Variants in C7orf78 observed in about 807,000 individuals in gnomAD.
The protein encoded by C7orf78 is putative uncharacterized protein C7orf78.
At chr7:12,507,031 C>T in the C7orf78 span, 16 of 427,016 alleles carry the variant, frequency 3.7e-5, no homozygotes, top group South Asian at 1.0e-4. Flanking sequence ...GGGCCGGGCG[C>T]GGTGTCACCC....
chr7:12,515,225 T>C, the C7orf78 span, among the ~76,000 whole-genome samples: 1 of 152,306 alleles, frequency 6.6e-6, no homozygotes, highest in South Asian at 2.1e-4. Flanking sequence ...GGGAGATAAT[T>C]TGAATCACAG....
chr7:12,499,785 C>T, the C7orf78 span, among the ~76,000 whole-genome samples: 2 of 150,746 alleles, frequency 1.3e-5, no homozygotes, highest in Non-Finnish European at 3.0e-5. Flanking sequence ...ACATTTTCTT[C>T]AGCACCACAC....
At chr7:12,518,952 A>G in the C7orf78 span, among the ~76,000 whole-genome samples, 1 of 152,124 alleles carries the variant, frequency 6.6e-6, no homozygotes, top group African/African-American at 2.4e-5. Flanking sequence ...GAGGAGCCTG[A>G]TTTGAGGATG....
At chr7:12,533,796 G>A in the C7orf78 span, among the ~76,000 whole-genome samples, 5 of 152,154 alleles carry the variant, frequency 3.3e-5, no homozygotes, top group Non-Finnish European at 7.4e-5. Flanking sequence ...GATTACAGGC[G>A]TGAGCCACCA....
At chr7:12,509,343 T>C in the C7orf78 span, among the ~76,000 whole-genome samples, 1 of 152,190 alleles carries the variant, frequency 6.6e-6, no homozygotes, top group African/African-American at 2.4e-5. Context: ...AGGTTTTTGC[T>C]TTGGAAAGAT....
At chr7:12,499,076 T>G in the C7orf78 span, among the ~76,000 whole-genome samples, 1 of 151,984 alleles carries the variant, frequency 6.6e-6, no homozygotes, top group African/African-American at 2.4e-5. Flanking sequence ...AAAGAGCTCC[T>G]GAAGGAAGCG....
the C7orf78 span, among the ~76,000 whole-genome samples, chr7:12,489,199 A>G: frequency 1.3e-5 from 2 of 152,116 alleles, no homozygotes; most frequent in Non-Finnish European, 2.9e-5. Context: ...CCCAATAGTC[A>G]GTATACATTT....
chr7:12,519,159 A>C, the C7orf78 span, among the ~76,000 whole-genome samples: 1 of 152,106 alleles, frequency 6.6e-6, no homozygotes, highest in Non-Finnish European at 1.5e-5. Context: ...GTCACCACCC[A>C]CAACCCAAAC....
the C7orf78 span, among the ~76,000 whole-genome samples, chr7:12,535,671 C>A: frequency 6.6e-6 from 1 of 152,190 alleles, no homozygotes; most frequent in Admixed American, 6.5e-5. Flanking sequence ...TGAAACAAAG[C>A]AAGTCCCTTC....
the C7orf78 span, among the ~76,000 whole-genome samples, chr7:12,488,598 T>C: frequency 1.1e-4 from 17 of 152,004 alleles, no homozygotes; most frequent in Non-Finnish European, 2.2e-4. Flanking sequence ...CAGAATCATT[T>C]AGCCAACAGC....
chr7:12,524,155 C>A, the C7orf78 span, among the ~76,000 whole-genome samples: 1 of 152,114 alleles, frequency 6.6e-6, no homozygotes, highest in East Asian at 1.9e-4. Context: ...CAGAGTATCC[C>A]TGTTCTTTTA....
chr7:12,525,854 A>G, the C7orf78 span: 1 of 397,098 alleles, frequency 2.5e-6, no homozygotes, highest in African/African-American at 2.1e-5. Flanking sequence ...GAGACAACTT[A>G]TGAAAAGGAC....
chr7:12,516,692 G>T, the C7orf78 span, among the ~76,000 whole-genome samples: 2 of 152,204 alleles, frequency 1.3e-5, no homozygotes, highest in African/African-American at 2.4e-5. Flanking sequence ...CCCACCTCTT[G>T]CATCAGCATG....
At chr7:12,497,468 G>A in the C7orf78 span, among the ~76,000 whole-genome samples, 23 of 57,334 alleles carry the variant, frequency 4.0e-4, no homozygotes, top group South Asian at 1.9e-3. Flanking sequence ...GGTGACGGAC[G>A]GCACCTGGAG....
chr7:12,539,146 G>A, the C7orf78 span, among the ~76,000 whole-genome samples: 1 of 152,100 alleles, frequency 6.6e-6, no homozygotes, highest in African/African-American at 2.4e-5. Flanking sequence ...TTTCCCCCAA[G>A]GGTAGTGATG....
At chr7:12,514,828 C>T in the C7orf78 span, among the ~76,000 whole-genome samples, 1 of 152,050 alleles carries the variant, frequency 6.6e-6, no homozygotes, top group East Asian at 1.9e-4. Context: ...TGATGAATTC[C>T]CTCAAAATTT....
the C7orf78 span, among the ~76,000 whole-genome samples, chr7:12,536,632 A>G: frequency 2.0e-5 from 3 of 152,134 alleles, no homozygotes; most frequent in Admixed American, 2.0e-4. Flanking sequence ...TTTCTTTTCT[A>G]TCACATTGTC....
chr7:12,526,485 T>C, the C7orf78 span, among the ~76,000 whole-genome samples: 352 of 152,246 alleles, frequency 2.3e-3, 3 homozygotes, highest in Non-Finnish European at 4.0e-3. Context: ...ATTTACATAT[T>C]ATAATTATAT....
chr7:12,484,353 C>A, the C7orf78 span, among the ~76,000 whole-genome samples: 1 of 152,120 alleles, frequency 6.6e-6, no homozygotes, highest in Non-Finnish European at 1.5e-5. Flanking sequence ...ATATGCAGAT[C>A]AAAACATTTC....
Sources: allele counts gnomAD v4.1 joint callset (sites outside exome capture counted in the v4.1 genomes callset), GRCh38; gene constraint gnomAD v4.1.1; transcripts MANE v1.5; gene names NCBI Gene and HGNC (gene_info 2026-07-23, HGNC 2026-07-21).